The following PCDHGA11 variants were observed in gnomAD, a reference collection of about 807,000 sequenced individuals.
PCDHGA11 encodes the protein protocadherin gamma-A11.
A neutral mutation model predicts 60.4 loss-of-function variants in PCDHGA11; 39 were observed. That is an observed-to-expected ratio of 0.65 (90% CI 0.50 to 0.84). The LOEUF is 0.84. PCDHGA11 is among the 40% of genes least tolerant of loss of function. The probability of loss-of-function intolerance (pLI) is 0.00; values close to 1 mark genes in which losing one functional copy is unlikely to be tolerated. For missense variants in PCDHGA11, 1,165 were observed against 1,197.7 expected (o/e 0.97, Z 0.40); for synonymous variants, 533 against 510.3 (o/e 1.04, Z -0.60).
chr5:141,428,176 A>G (rs751446929), intron 1 of PCDHGA11: 21 of 1,507,402 alleles, frequency 1.4e-5, no homozygotes, highest in Non-Finnish European at 1.9e-5. Context: ...TGCGTGACGG[A>G]GGACAGCCGC....
intron 1 of PCDHGA11, among the ~76,000 whole-genome samples, chr5:141,479,077 A>G (rs1393042749): frequency 6.6e-6 from 1 of 152,224 alleles, no homozygotes; most frequent in Non-Finnish European, 1.5e-5. Context: ...ATGAAATGAA[A>G]TTCCAGGCAT....
rs776990176 is a variant in PCDHGA11 at position 141,485,136 on chromosome 5, C to A, written c.2434-9671C>A. ...GTTTGGGGCGGGTCGGCTTCATCCG[C>A]GTCTCAGGAGCAAGTAGAGAATTAG... On this transcript the variant is annotated intron_variant, in intron 1 of 3. Transcript: ENST00000398587. The surrounding 1 kb of genome is among the most constrained non-coding windows in gnomAD (Gnocchi z 5.7). The A allele has an allele frequency of 4.0e-6, 6 of 1,502,706 alleles. No individual in the cohort carries two copies. The South Asian group carries it at 5.9e-5, about 15-fold the overall frequency. The allele number at this position is 1,502,706 out of a possible 1,614,324, so 93.1% of individuals were successfully genotyped here.
chr5:141,457,868 G>T lies in PCDHGA11; in HGVS notation c.2433+34208G>T, dbSNP rs1479066479. ...AAAGTGACATTCTTCACTGACCACA[G>T]GTTAGGAACCCTGTGTGGGGACTGT... On this transcript the variant is annotated intron_variant, in intron 1 of 3. Transcript: ENST00000398587. Among the ~76,000 whole-genome samples the T allele has an allele frequency of 2.0e-5, 3 of 152,346 alleles. No individual in the cohort carries two copies. In the East Asian group the frequency reaches 5.8e-4, roughly 29 times the overall value.
chr5:141,462,462 T>G (rs570804965), intron 1 of PCDHGA11, among the ~76,000 whole-genome samples: 1 of 152,346 alleles, frequency 6.6e-6, no homozygotes, highest in Middle Eastern at 3.4e-3. Flanking sequence ...CTGAAAACTG[T>G]GTATTCTGCT....
Position 141,431,297 on chromosome 5 carries a change from C to G in PCDHGA11, c.2433+7637C>G. Reference sequence around the variant, plus strand: ...GCTCAGCCCGAACACTCACTTCTCCCTCATCGTGCAAAATGGAGCCGACGG... The same window carrying G: ...GCTCAGCCCGAACACTCACTTCTCCGTCATCGTGCAAAATGGAGCCGACGG... On this transcript the variant is annotated intron_variant, in intron 1 of 3. Transcript: ENST00000398587. The surrounding 1 kb of genome is among the most constrained non-coding windows in gnomAD (Gnocchi z 4.8). The G allele has an allele frequency of 6.2e-7, 1 of 1,614,126 alleles. No individual in the cohort carries two copies. The highest frequency in any genetic ancestry group is 8.5e-7 in the Non-Finnish European group (1 of 1,180,036).
At chr5:141,503,309 A>G (rs2099819130) in intron 2 of PCDHGA11, among the ~76,000 whole-genome samples, 1 of 152,034 alleles carries the variant, frequency 6.6e-6, no homozygotes, top group Non-Finnish European at 1.5e-5. Flanking sequence ...TCAAGAAAGA[A>G]TTGTTGGAGG....
Position 141,423,426 on chromosome 5 carries a change from G to A in PCDHGA11, c.2199G>A (p.Leu733=). Residue 733 remains leucine, a synonymous_variant, in exon 1 of 4, where the codon TTG becomes TTA. Transcript: ENST00000398587. ...TGCTGCAGGCTTCTGAAGGCGGGTT[G>A]GCAGGTATGCCCACGTCACATTTTG... ...SRLLQASEGG[L]AGMPTSHFVG... The A allele has an allele frequency of 6.2e-7, 1 of 1,614,028 alleles. No homozygotes were observed. Among genetic ancestry groups the A allele is most frequent in the Non-Finnish European group, 8.5e-7 (1 of 1,179,930 alleles).
intron 1 of PCDHGA11, chr5:141,428,912 T>C (rs1010303812): frequency 6.6e-6 from 1 of 151,946 alleles, no homozygotes; most frequent in Non-Finnish European, 1.5e-5. Context: ...TGGAGTGCAG[T>C]GGCATGATCT....
Position 141,491,686 on chromosome 5 carries a change from C to A in PCDHGA11, c.2434-3121C>A. The A allele has an allele frequency of 6.2e-7, 1 of 1,612,970 alleles. No homozygotes were observed. The highest frequency in any genetic ancestry group is 8.5e-7 in the Non-Finnish European group (1 of 1,179,558). Reference sequence around the variant, plus strand: ...CATCCGGTCCCGCTCTAATACGCTGCGGGAGCGGAGCCAGGTGAGGGGCTC... The same window carrying A: ...CATCCGGTCCCGCTCTAATACGCTGAGGGAGCGGAGCCAGGTGAGGGGCTC... On this transcript the variant is annotated intron_variant, in intron 1 of 3. Coordinates refer to ENST00000398587, the MANE Select transcript of PCDHGA11 (RefSeq NM_018914.3). The surrounding 1 kb of genome is among the most constrained non-coding windows in gnomAD (Gnocchi z 6.9).
intron 2 of PCDHGA11, among the ~76,000 whole-genome samples, chr5:141,495,902 C>T (rs749735668): frequency 2.6e-5 from 4 of 152,120 alleles, no homozygotes; most frequent in Non-Finnish European, 2.9e-5. Context: ...TTGTCTCTGT[C>T]TCTGTATATC....
rs758266181 is a variant in PCDHGA11 at position 141,476,561 on chromosome 5, G to A, written c.2434-18246G>A. 1.9e-6 allele frequency: 3 copies of A among 1,614,100 alleles called. No homozygotes were observed. The highest frequency in any genetic ancestry group is 2.5e-6 in the Non-Finnish European group (3 of 1,180,050). Reference sequence around the variant, plus strand: ...GAAATTGGAGATTAGCGAGGCCGTGGCTCCGGGGACGCGCTTTCCGCTCGA... The same window carrying A: ...GAAATTGGAGATTAGCGAGGCCGTGACTCCGGGGACGCGCTTTCCGCTCGA... On this transcript the variant is annotated intron_variant, in intron 1 of 3. Coordinates refer to ENST00000398587, the MANE Select transcript of PCDHGA11 (RefSeq NM_018914.3). This position sits in a 1 kb window ranked among gnomAD's most constrained non-coding sequence, Gnocchi z 7.6.
intron 1 of PCDHGA11, among the ~76,000 whole-genome samples, chr5:141,474,684 T>A (rs1302389621): frequency 6.6e-6 from 1 of 152,246 alleles, no homozygotes; most frequent in Non-Finnish European, 1.5e-5. Context: ...TGCCTACCCC[T>A]TCACTTATGT....
In PCDHGA11 at chr5:141,476,966, G is replaced by C. The variant is rs780645226; in HGVS notation, c.2434-17841G>C. The C allele has an allele frequency of 1.2e-6, 2 of 1,614,152 alleles. No homozygotes were observed. Among genetic ancestry groups the C allele is most frequent in the Non-Finnish European group, 1.7e-6 (2 of 1,180,032 alleles). On this transcript the variant is annotated intron_variant, in intron 1 of 3. Coordinates refer to ENST00000398587, the MANE Select transcript of PCDHGA11 (RefSeq NM_018914.3). This position sits in a 1 kb window ranked among gnomAD's most constrained non-coding sequence, Gnocchi z 7.6. ...CAACGGTGAAATTATTTACTCCTTCGGCAGCCACAACCGCGCCGGCGTGCG... is the reference window on the plus strand; with the variant it reads ...CAACGGTGAAATTATTTACTCCTTCCGCAGCCACAACCGCGCCGGCGTGCG...
intron 1 of PCDHGA11, chr5:141,430,826 CT>C (rs765096486): frequency 1.3e-6 from 2 of 1,550,416 alleles, no homozygotes; most frequent in East Asian, 2.2e-5. Flanking sequence ...CCTGGGGACT[CT>C]GTGGGAGACC....
At chr5:141,449,948 C>T (rs1294423807) in intron 1 of PCDHGA11, among the ~76,000 whole-genome samples, 1 of 151,034 alleles carries the variant, frequency 6.6e-6, no homozygotes, top group Non-Finnish European at 1.5e-5. Context: ...TTTTACTATA[C>T]CTCATAGTAA....
chr5:141,505,494 A>G lies in PCDHGA11; in HGVS notation c.2581+13A>G. ...GCGTCCGCCAGTGGTAAGTGGTGTC[A>G]GTGTGTGTATGGAAGAGTGGGAGAC... is the stretch of plus-strand genomic sequence containing the variant. On this transcript the variant is annotated intron_variant, in intron 3 of 3. Transcript: ENST00000398587. The G allele has an allele frequency of 6.8e-6, 11 of 1,614,198 alleles. No homozygotes were observed. Among genetic ancestry groups the G allele is most frequent in the Non-Finnish European group, 9.3e-6 (11 of 1,180,006 alleles).
intron 1 of PCDHGA11, among the ~76,000 whole-genome samples, chr5:141,433,559 G>A (rs2154555800): frequency 6.6e-6 from 1 of 152,212 alleles, no homozygotes; most frequent in Non-Finnish European, 1.5e-5. Context: ...TTTCTGGCTG[G>A]GCGCGGTGGC....
intron 1 of PCDHGA11, among the ~76,000 whole-genome samples, chr5:141,483,638 G>A (rs1159840764): frequency 1.4e-5 from 2 of 147,222 alleles, no homozygotes; most frequent in South Asian, 2.1e-4. Flanking sequence ...AGGTATAGAG[G>A]GGTGTGTGTT....
At chr5:141,466,938 G>C (rs985959499) in intron 1 of PCDHGA11, among the ~76,000 whole-genome samples, 1 of 151,854 alleles carries the variant, frequency 6.6e-6, no homozygotes, top group Non-Finnish European at 1.5e-5. Context: ...TTAGTCCTTT[G>C]TCCAGTAAAC....
Sources: gnomAD v4.1 joint callset for allele counts (sites outside exome capture counted in the v4.1 genomes callset) on GRCh38, gnomAD v4.1.1 for gene constraint, Gnocchi (gnomAD v3.1) non-coding constraint, MANE v1.5 for transcripts, NCBI Gene and HGNC (gene_info 2026-07-23, HGNC 2026-07-21) for gene names.